WASHC5: variants seen among roughly 807,000 people sequenced by gnomAD.
WASHC5 encodes WASH complex subunit 5, also known as WASH complex subunit strumpellin.
A neutral mutation model predicts 150.4 loss-of-function variants in WASHC5; 101 were observed. The observed-to-expected ratio is 0.67, with a 90% CI of 0.57 to 0.79. The LOEUF (loss-of-function observed/expected upper bound fraction) is 0.79, where lower values mean the gene tolerates loss of function less well. Ranked by LOEUF, WASHC5 falls within the 30% of genes least tolerant of loss-of-function variation. The probability of loss-of-function intolerance (pLI) is 0.00; values close to 1 mark genes in which losing one functional copy is unlikely to be tolerated. For synonymous variants in WASHC5, 467 were observed against 491.2 expected (o/e 0.95, Z 0.65); for missense variants, 1,195 against 1,396.3 (o/e 0.86, Z 2.30).
At chr8:125,029,030 CTTTTTTTT>C (rs574526697) in intron 27 of WASHC5, among the ~76,000 whole-genome samples, 2 of 122,848 alleles carry the variant, frequency 1.6e-5, no homozygotes, top group African/African-American at 2.7e-5. Flanking sequence ...TCCCTGCACA[CTTTTTTTT>C]TTTTTTTTTT....
At chr8:125,041,063 T>C (rs1473050797) in intron 23 of WASHC5, among the ~76,000 whole-genome samples, 1 of 152,244 alleles carries the variant, frequency 6.6e-6, no homozygotes, top group African/African-American at 2.4e-5. Context: ...GCTATGAGCA[T>C]AAATGATACT....
chr8:125,065,754 A>T (rs1368115797), intron 10 of WASHC5, among the ~76,000 whole-genome samples: 2 of 151,778 alleles, frequency 1.3e-5, no homozygotes, highest in Admixed American at 6.6e-5. Context: ...AGAGCTTGGA[A>T]TACAGGCACG....
intron 28 of WASHC5, among the ~76,000 whole-genome samples, chr8:125,025,749 T>G (rs1815360712): frequency 1.3e-5 from 2 of 152,078 alleles, no homozygotes; most frequent in Admixed American, 1.3e-4. Context: ...TAAAAAAATA[T>G]TTTTTTAATC....
intron 17 of WASHC5, among the ~76,000 whole-genome samples, chr8:125,052,267 G>T (rs899257315): frequency 1.3e-5 from 2 of 152,154 alleles, no homozygotes; most frequent in Non-Finnish European, 2.9e-5. Context: ...AGAGTTCAAT[G>T]CTTTCGTGAA....
intron 14 of WASHC5, among the ~76,000 whole-genome samples, chr8:125,058,731 A>G (rs543439911): frequency 9.8e-5 from 12 of 122,798 alleles, no homozygotes; most frequent in African/African-American, 2.5e-4. Flanking sequence ...TCAAAAAAAA[A>G]AAGAAGAAGA....
intron 28 of WASHC5, among the ~76,000 whole-genome samples, chr8:125,025,498 A>C (rs1230896627): frequency 6.6e-6 from 1 of 151,840 alleles, no homozygotes; most frequent in African/African-American, 2.4e-5. Flanking sequence ...GACCAGCCTG[A>C]CTAACATGGA....
rs1489652714 is a variant in WASHC5 at position 125,079,226 on chromosome 8, C to CT, written c.519-297dup. 5.8e-5 allele frequency among the ~76,000 whole-genome samples: 6 copies of CT among 103,086 alleles called. No individual in the cohort carries two copies. The South Asian group carries it at 1.8e-3, about 31-fold the overall frequency. The allele number at this position is 103,086 out of a possible 152,430, so 67.6% of individuals were successfully genotyped here. On this transcript the variant is annotated intron_variant, in intron 5 of 28. Coordinates refer to ENST00000318410, the MANE Select transcript of WASHC5 (RefSeq NM_014846.4). ...TTTTTTTTTGAGATGGTGTCTTGCT[C>CT]TGTCACCCAGGCTGGAGTGCAGTGG...
intron 6 of WASHC5, among the ~76,000 whole-genome samples, chr8:125,076,972 T>C (rs753315321): frequency 3.3e-5 from 5 of 152,196 alleles, no homozygotes; most frequent in Non-Finnish European, 5.9e-5. Flanking sequence ...CGGCTTCTTT[T>C]TAAGACTCTC....
rs751130899 is a variant in WASHC5, at chr8:125,032,259, G to A, written c.3317C>T (p.Thr1106Met). ...LALIGQFICS[T>M]VEQCTSQKIP... ...TCTGTACCTTGTACACTGCTCCACC[G>A]TGGAGCAGATAAACTGGCCAATCAG... Residue 1106 changes from threonine (T) to methionine (M), a missense_variant, in exon 27 of 29, where the codon ACG (threonine) becomes ATG (methionine). Transcript: ENST00000318410. 45 of 1,614,006 alleles carry A rather than the reference G, an allele frequency of 2.8e-5. 1 individual carries two copies. In the South Asian group the frequency reaches 3.0e-4, roughly 11 times the overall value.
intron 18 of WASHC5, among the ~76,000 whole-genome samples, chr8:125,049,596 C>T (rs1228186975): frequency 2.0e-5 from 3 of 149,586 alleles, no homozygotes; most frequent in Non-Finnish European, 3.0e-5. Flanking sequence ...CCTGTAATCT[C>T]GGCACTCTGG....
chr8:125,024,508 G>GA lies in WASHC5; in HGVS notation c.*108dup, dbSNP rs1815316608. 10 of 823,304 alleles carry GA rather than the reference G, an allele frequency of 1.2e-5. No individual in the cohort carries two copies. The highest frequency in any genetic ancestry group is 1.8e-5 in the Admixed American group (1 of 55,064). 51.0% of individuals were successfully genotyped at this position (823,304 alleles called of 1,614,324 possible). ...CGTCTGATGTTTCCCATAATAGACA[G>GA]AAAAAATGCAGTTGTATGAGCAACT... On this transcript the variant is annotated 3_prime_UTR_variant, in exon 29 of 29. Coordinates refer to ENST00000318410, the MANE Select transcript of WASHC5 (RefSeq NM_014846.4).
chr8:125,037,579 C>T (rs1209862613), intron 25 of WASHC5, among the ~76,000 whole-genome samples: 1 of 152,052 alleles, frequency 6.6e-6, no homozygotes, highest in African/African-American at 2.4e-5. Context: ...AAGACTTTTC[C>T]CCTGAATCCT....
intron 28 of WASHC5, among the ~76,000 whole-genome samples, chr8:125,025,824 A>G (rs957877267): frequency 2.1e-5 from 3 of 144,234 alleles, no homozygotes; most frequent in Non-Finnish European, 3.0e-5. Context: ...TTACTTACAT[A>G]TGCAGACAGA....
chr8:125,034,660 C>T (rs964159940), intron 26 of WASHC5, among the ~76,000 whole-genome samples: 1 of 152,168 alleles, frequency 6.6e-6, no homozygotes, highest in African/African-American at 2.4e-5. Context: ...ACTGGTTAGA[C>T]AGACCCTCAG....
intron 6 of WASHC5, among the ~76,000 whole-genome samples, chr8:125,077,658 A>G (rs1462652016): frequency 6.6e-6 from 1 of 152,224 alleles, no homozygotes; most frequent in African/African-American, 2.4e-5. Flanking sequence ...AATTCAAGTT[A>G]TGGTTCTGCT....
At chr8:125,050,525 G>C in intron 18 of WASHC5, 39 bp downstream of exon 18, 1 of 1,420,958 alleles carries the variant, frequency 7.0e-7, no homozygotes. Flanking sequence ...CTGCAAGCTG[G>C]GCGGAGAAGA....
Position 125,030,486 on chromosome 8 carries a change from C to T in WASHC5, c.3335+1755G>A, listed in dbSNP as rs543006886. Among the ~76,000 whole-genome samples the T allele has an allele frequency of 1.5e-4, 23 of 152,170 alleles. No individual in the cohort carries two copies. The East Asian group carries it at 1.5e-3, about 10-fold the overall frequency. Reference sequence around the variant, plus strand: ...AGAGGAGGAGGAGCTGGCCTGACTGCAGCTCACGGGAAATAACGACATTGG... The same window carrying T: ...AGAGGAGGAGGAGCTGGCCTGACTGTAGCTCACGGGAAATAACGACATTGG... On this transcript the variant is annotated intron_variant, in intron 27 of 28. Coordinates refer to ENST00000318410, the MANE Select transcript of WASHC5 (RefSeq NM_014846.4).
At chr8:125,031,939 T>A (rs1490183772) in intron 27 of WASHC5, among the ~76,000 whole-genome samples, 1 of 152,124 alleles carries the variant, frequency 6.6e-6, no homozygotes, top group Admixed American at 6.6e-5. Flanking sequence ...AAGAGCTGCA[T>A]CCAAGAGTGC....
In WASHC5 at chr8:125,038,833, A is replaced by C. The variant is rs762772290; in HGVS notation, c.3081T>G (p.Asn1027Lys). The C allele has an allele frequency of 1.9e-6, 3 of 1,613,870 alleles. No homozygotes were observed. Among genetic ancestry groups the C allele is most frequent in the Non-Finnish European group, 2.5e-6 (3 of 1,179,854 alleles). The change falls in exon 25 of 29, where the codon AAT becomes AAG. Residue 1027 changes from asparagine (N) to lysine (K), a missense_variant. Physicochemically the swap from Asn to Lys is moderately conservative, Grantham distance 94. Around this residue, in one of 3 missense-constraint regions of WASHC5, gnomAD observed 997 missense variants for 1,168.1 expected, o/e 0.85. Transcript: ENST00000318410. The stretch of plus-strand genomic sequence containing the variant: ...ATTATATATTTTAATTACTCACCTT[A>C]TTCAGTGGGTTGTGAATGCCAGCTG... Reference protein sequence around the residue: ...LEAAGIHNPLNKIYITTKRLP... With the variant: ...LEAAGIHNPLKKIYITTKRLP...
Sources: gnomAD v4.1 joint callset for allele counts (sites outside exome capture counted in the v4.1 genomes callset) on GRCh38, gnomAD v4.1.1 for gene constraint, gnomAD v4.1.1 regional missense constraint, MANE v1.5 for transcripts, NCBI Gene and HGNC (gene_info 2026-07-23, HGNC 2026-07-21) for gene names.